The following PLOD2 variants were observed in gnomAD, a reference collection of about 807,000 sequenced individuals.
PLOD2 encodes lysine hydroxylase 2.
A neutral mutation model predicts 101.0 loss-of-function variants in PLOD2; 65 were observed. That is an observed-to-expected ratio of 0.64 (90% CI 0.53 to 0.79). The LOEUF is 0.79. Among genes scored for constraint, PLOD2 ranks in the 30% least tolerant of loss-of-function variants. PLOD2 has a pLI of 0.00. For synonymous variants in PLOD2, 314 were observed against 302.9 expected, an observed-to-expected ratio of 1.04 and a Z score of -0.38; for missense variants, 909 against 914.6, an observed-to-expected ratio of 0.99 and a Z score of 0.08.
chr3:146,153,178 A>G (rs778172869), intron 1 of PLOD2, among the ~76,000 whole-genome samples: 1 of 152,342 alleles, frequency 6.6e-6, no homozygotes, highest in Admixed American at 6.5e-5. Flanking sequence ...CGCCCTCTTC[A>G]TAACAACAGC....
intron 7 of PLOD2, among the ~76,000 whole-genome samples, chr3:146,098,895 A>T (rs1230331872): frequency 6.6e-6 from 1 of 152,174 alleles, no homozygotes; most frequent in African/African-American, 2.4e-5. Context: ...GTTTGTAATA[A>T]TCAGCCTTCT....
chr3:146,124,782 T>A (rs1483441428), intron 1 of PLOD2, among the ~76,000 whole-genome samples: 3 of 152,156 alleles, frequency 2.0e-5, no homozygotes, highest in Non-Finnish European at 2.9e-5. Flanking sequence ...GATTGCTTTT[T>A]CATGAAAATT....
intron 4 of PLOD2, among the ~76,000 whole-genome samples, chr3:146,107,704 T>C (rs982492199): frequency 7.1e-6 from 1 of 140,730 alleles, no homozygotes; most frequent in Non-Finnish European, 1.5e-5. Flanking sequence ...AGGCACAATC[T>C]TGGCTCACTG....
chr3:146,082,034 T>G (rs1215008626), intron 11 of PLOD2, among the ~76,000 whole-genome samples, 171 bp from the exon 12 acceptor site: 2 of 152,142 alleles, frequency 1.3e-5, no homozygotes, highest in Non-Finnish European at 2.9e-5. Flanking sequence ...CCCAACATCT[T>G]TTCTTAAGTA....
chr3:146,127,343 T>C (rs2030628399), intron 1 of PLOD2, among the ~76,000 whole-genome samples: 1 of 152,072 alleles, frequency 6.6e-6, no homozygotes, highest in Non-Finnish European at 1.5e-5. Context: ...CTCCTGCTTT[T>C]TGGAGTCCCC....
At chr3:146,138,916 G>A (rs1256937567) in intron 1 of PLOD2, among the ~76,000 whole-genome samples, 1 of 152,070 alleles carries the variant, frequency 6.6e-6, no homozygotes, top group Non-Finnish European at 1.5e-5. Context: ...TATATGGTAA[G>A]TGGCAGAGCT....
chr3:146,070,666 A>G lies in PLOD2; in HGVS notation c.*51T>C. 8.0e-7 allele frequency: 1 copy of G among 1,246,602 alleles called. No homozygotes were observed. Among genetic ancestry groups the G allele is most frequent in the African/African-American group, 1.5e-5 (1 of 67,382 alleles). 77.2% of individuals were successfully genotyped at this position (1,246,602 alleles called of 1,614,324 possible). On this transcript the variant is annotated 3_prime_UTR_variant, in exon 20 of 20. Transcript: ENST00000282903. Reference sequence around the variant, plus strand: ...CAGCCACAACTTCAAAGACGTGTTCATGCCAGTCATTCATCCAAAATAAAT... The same window carrying G: ...CAGCCACAACTTCAAAGACGTGTTCGTGCCAGTCATTCATCCAAAATAAAT...
chr3:146,101,515 T>A (rs1937389024), intron 7 of PLOD2, among the ~76,000 whole-genome samples: 1 of 152,152 alleles, frequency 6.6e-6, no homozygotes, highest in Non-Finnish European at 1.5e-5. Context: ...ATGCTGTCTT[T>A]AGGTGAAATA....
At chr3:146,112,199 A>C (rs1021073886) in intron 3 of PLOD2, among the ~76,000 whole-genome samples, 1 of 152,214 alleles carries the variant, frequency 6.6e-6, no homozygotes, top group Non-Finnish European at 1.5e-5. Context: ...ACATGCACAC[A>C]TATGTCTACT....
chr3:146,081,733 C>T lies in PLOD2; in HGVS notation c.1358+5G>A. Reference sequence around the variant, plus strand: ...CACATTAAAATATTAAACCAAGTAACTTACACTCTATTCCCTTGAACAATA... The same window carrying T: ...CACATTAAAATATTAAACCAAGTAATTTACACTCTATTCCCTTGAACAATA... On this transcript the variant is annotated splice_donor_5th_base_variant and intron_variant, in intron 12 of 19. Transcript: ENST00000282903. 1 of 1,602,632 alleles carries T rather than the reference C, an allele frequency of 6.2e-7. No individual in the cohort carries two copies. Among genetic ancestry groups the T allele is most frequent in the African/African-American group, 1.3e-5 (1 of 74,766 alleles).
At chr3:146,118,935 T>A (rs1469489933) in intron 3 of PLOD2, among the ~76,000 whole-genome samples, 1 of 152,174 alleles carries the variant, frequency 6.6e-6, no homozygotes, top group African/African-American at 2.4e-5. Context: ...AAACGTTAGC[T>A]CTTGCCATGT....
At chr3:146,112,103 A>T (rs1403848938) in intron 3 of PLOD2, among the ~76,000 whole-genome samples, 1 of 152,166 alleles carries the variant, frequency 6.6e-6, no homozygotes, top group South Asian at 2.1e-4. Context: ...TTCCTCAAAG[A>T]TCTAGAATCA....
rs557858771 is a variant in PLOD2 at position 146,146,305 on chromosome 3, C to A, written c.109+14576G>T. Among the ~76,000 whole-genome samples, 34 of 152,260 alleles carry A rather than the reference C, an allele frequency of 2.2e-4. No individual in the cohort carries two copies. The South Asian group carries it at 7.0e-3, about 32-fold the overall frequency. On this transcript the variant is annotated intron_variant, in intron 1 of 19. Transcript: ENST00000282903. ...AAAATCAAATATTAAAGGTGCATTT[C>A]TCCAAGTTCTTTGGAGCTAAACATT... is the stretch of plus-strand genomic sequence containing the variant.
At chr3:146,160,780 A>G in intron 1 of PLOD2, 101 bp downstream of exon 1, 1 of 756,316 alleles carries the variant, frequency 1.3e-6, no homozygotes, top group Non-Finnish European at 2.3e-6. Context: ...ACAGGCCCCC[A>G]CTACTCACCT....
chr3:146,087,022 C>A, intron 9 of PLOD2, 114 bp from the exon 10 acceptor site: 1 of 532,460 alleles, frequency 1.9e-6, no homozygotes, highest in Non-Finnish European at 3.2e-6. Flanking sequence ...TTCAGATATT[C>A]AATTACATAT....
chr3:146,161,104 C>CGGCGGGCAA lies in PLOD2; in HGVS notation c.-124_-116dup. ...TGAGCCGCCGATTGCGGGCGGGAGC[C>CGGCGGGCAA]GGCGGGCAAGGCGCGCGGCCGGCAG... is the stretch of plus-strand genomic sequence containing the variant. On this transcript the variant is annotated 5_prime_UTR_variant, in exon 1 of 20. Transcript: ENST00000282903. 1.7e-6 allele frequency: 1 copy of CGGCGGGCAA among 585,938 alleles called. No homozygotes were observed. Among genetic ancestry groups the CGGCGGGCAA allele is most frequent in the Non-Finnish European group, 2.6e-6 (1 of 380,274 alleles). 36.3% of individuals were successfully genotyped at this position (585,938 alleles called of 1,614,324 possible).
intron 1 of PLOD2, among the ~76,000 whole-genome samples, chr3:146,147,516 A>ATTCT: frequency 6.6e-6 from 1 of 152,258 alleles, no homozygotes; most frequent in South Asian, 2.1e-4. Flanking sequence ...GGGCCAGATA[A>ATTCT]TTCTTTCTTG....
chr3:146,100,140 C>G (rs1440894540), intron 7 of PLOD2, among the ~76,000 whole-genome samples: 1 of 152,144 alleles, frequency 6.6e-6, no homozygotes, highest in African/African-American at 2.4e-5. Flanking sequence ...CTAAGCCTTG[C>G]AAAGTGCTGG....
chr3:146,071,073 A>G lies in PLOD2; in HGVS notation c.2090T>C (p.Ile697Thr). The change falls in exon 19 of 20, where the codon ATT (isoleucine) becomes ACT (threonine). Residue 697 changes from isoleucine (I) to threonine (T), a missense_variant. Physicochemically the swap from Ile to Thr is moderately conservative, Grantham distance 89. Coordinates refer to ENST00000282903, the MANE Select transcript of PLOD2 (RefSeq NM_182943.3). ...GTCTTCTCCCACGTTATTAAGTGCAATGTTTATGGTAAATGTAGAAGCATC... is the reference window on the plus strand; with the variant it reads ...GTCTTCTCCCACGTTATTAAGTGCAGTGTTTATGGTAAATGTAGAAGCATC... ...HHDASTFTINIALNNVGEDFQ... is the reference protein window; with the variant it reads ...HHDASTFTINTALNNVGEDFQ... 1.9e-6 allele frequency: 3 copies of G among 1,609,242 alleles called. No individual in the cohort carries two copies. The highest frequency in any genetic ancestry group is 2.2e-5 in the South Asian group (2 of 90,926).
Sources: gnomAD v4.1 joint callset for allele counts (sites outside exome capture counted in the v4.1 genomes callset) on GRCh38, gnomAD v4.1.1 for gene constraint, MANE v1.5 for transcripts, NCBI Gene and HGNC (gene_info 2026-07-23, HGNC 2026-07-21) for gene names.